Variants in MEOX1 observed in about 807,000 individuals in gnomAD.
MEOX1 encodes the protein homeobox protein MOX-1.
In MEOX1, 17 loss-of-function variants were observed where a neutral mutation model predicts 23.2. That is an observed-to-expected ratio of 0.73 (90% CI 0.50 to 1.10). The LOEUF (loss-of-function observed/expected upper bound fraction) is 1.10, where lower values mean the gene tolerates loss of function less well. MEOX1 is among the 50% of genes least tolerant of loss of function. The probability of loss-of-function intolerance (pLI) is 0.00; values close to 1 mark genes in which losing one functional copy is unlikely to be tolerated. For synonymous variants in MEOX1, 134 were observed against 135.1 expected (o/e 0.99, Z 0.06); for missense variants, 333 against 332.2 (o/e 1.00, Z -0.02).
At chr17:43,650,272 C>T (rs776128860) in intron 1 of MEOX1, among the ~76,000 whole-genome samples, 7 of 152,094 alleles carry the variant, frequency 4.6e-5, no homozygotes, top group Non-Finnish European at 8.8e-5. Flanking sequence ...TATAGGTGAG[C>T]TTAGAGAAGG....
rs7215711 is a variant in MEOX1, at chr17:43,651,700, C to G, written c.470-8040G>C. Reference sequence around the variant, plus strand: ...TGCAGGGGCTGTGAGTCCTGTCTCTCAGGCAGAAAGGATTCTCTGCCTCTG... The same window carrying G: ...TGCAGGGGCTGTGAGTCCTGTCTCTGAGGCAGAAAGGATTCTCTGCCTCTG... On this transcript the variant is annotated intron_variant, in intron 1 of 2. Coordinates refer to ENST00000318579, the MANE Select transcript of MEOX1 (RefSeq NM_004527.4). Among the ~76,000 whole-genome samples, 983 of 152,318 alleles carry G rather than the reference C, an allele frequency of 6.5e-3. 6 individuals are homozygous for G. The highest frequency in any genetic ancestry group is 0.023 in the African/African-American group (944 of 41,574).
chr17:43,648,954 C>T (rs562795567), intron 1 of MEOX1, among the ~76,000 whole-genome samples: 1 of 152,284 alleles, frequency 6.6e-6, no homozygotes, highest in South Asian at 2.1e-4. Context: ...GGCCTTAGCA[C>T]TCATAGGTGA....
chr17:43,653,707 A>C (rs1212875967), intron 1 of MEOX1, among the ~76,000 whole-genome samples: 2 of 151,010 alleles, frequency 1.3e-5, no homozygotes, highest in Non-Finnish European at 2.9e-5. Context: ...ATGGGATTTC[A>C]CCATTTTGGC....
In MEOX1 at chr17:43,641,974, G is replaced by A. The variant is rs1567740628; in HGVS notation, c.701C>T (p.Pro234Leu). The change falls in exon 3 of 3, where the codon CCC becomes CTC. Residue 234 changes from proline to leucine, a missense_variant. By Grantham distance (98) the Pro-to-Leu change is moderately conservative (BLOSUM62 -3). Transcript: ENST00000318579. ...AGGGTCCTGCCCATTGGGGGAGATGGGCTGACCTCCCTTCACACGCTTCCA... is the reference window on the plus strand; with the variant it reads ...AGGGTCCTGCCCATTGGGGGAGATGAGCTGACCTCCCTTCACACGCTTCCA... ...MKWKRVKGGQ[P>L]ISPNGQDPED... 1.2e-6 allele frequency: 2 copies of A among 1,613,984 alleles called. No individual in the cohort carries two copies. The highest frequency in any genetic ancestry group is 1.7e-5 in the Admixed American group (1 of 59,996).
At chr17:43,658,520 A>T (rs1442421312) in intron 1 of MEOX1, among the ~76,000 whole-genome samples, 1 of 152,012 alleles carries the variant, frequency 6.6e-6, no homozygotes, top group Non-Finnish European at 1.5e-5. Flanking sequence ...AAAAAAAAAA[A>T]AAGAATATTT....
At chr17:43,657,811 A>G (rs1310436305) in intron 1 of MEOX1, among the ~76,000 whole-genome samples, 1 of 152,220 alleles carries the variant, frequency 6.6e-6, no homozygotes, top group Non-Finnish European at 1.5e-5. Flanking sequence ...CCATCCCCAT[A>G]AATATAGAAA....
At chr17:43,655,031 G>A (rs1487571251) in intron 1 of MEOX1, among the ~76,000 whole-genome samples, 1 of 150,592 alleles carries the variant, frequency 6.6e-6, no homozygotes, top group African/African-American at 2.4e-5. Context: ...TAGCCTGGGT[G>A]ACAGAGTGAG....
At chr17:43,653,728 T>C (rs148319837) in intron 1 of MEOX1, among the ~76,000 whole-genome samples, 1 of 150,250 alleles carries the variant, frequency 6.7e-6, no homozygotes, top group African/African-American at 2.4e-5. Context: ...CAGGATGGTT[T>C]TGATTTCTTG....
At chr17:43,658,324 T>C (rs936310785) in intron 1 of MEOX1, among the ~76,000 whole-genome samples, 1 of 152,044 alleles carries the variant, frequency 6.6e-6, no homozygotes, top group African/African-American at 2.4e-5. Context: ...CTGACCAACA[T>C]GGTAAAACCC....
At position 43,661,122 on chromosome 17, in the gene MEOX1, C is replaced by A. The variant is rs1374697108; in HGVS notation, c.413G>T (p.Gly138Val). The A allele has an allele frequency of 1.3e-6, 2 of 1,515,064 alleles. No homozygotes were observed. Among genetic ancestry groups the A allele is most frequent in the South Asian group, 1.3e-5 (1 of 74,710 alleles). 93.9% of individuals were successfully genotyped at this position (1,515,064 alleles called of 1,614,324 possible). Residue 138 changes from glycine to valine, a missense_variant, in exon 1 of 3, where the codon GGG becomes GTG. Physicochemically the swap from Gly to Val is moderately radical, Grantham distance 109 (BLOSUM62 -3). Coordinates refer to ENST00000318579, the MANE Select transcript of MEOX1 (RefSeq NM_004527.4). ...CTTCTCTGTCTCATTGGCAGTGCTC[C>A]CAAGCACCCCGTAGTCATCGCCTGG... The part of the protein sequence containing the change: ...GGPGDDYGVL[G>V]STANETEKKS...
chr17:43,661,521 G>T lies in MEOX1; in HGVS notation c.14C>A (p.Ala5Asp). MDPA[A>D]SSCMRSLQPP... ...CTGGAGGCTCCTCATGCAGCTGCTG[G>T]CCGCGGGATCCATCTGCTGTCCGCT... The change falls in exon 1 of 3, where the codon GCC becomes GAC. Residue 5 changes from alanine (A) to aspartate (D), a missense_variant. Transcript: ENST00000318579. 3.2e-6 allele frequency: 5 copies of T among 1,567,690 alleles called. No homozygotes were observed. The highest frequency in any genetic ancestry group is 1.4e-5 in the African/African-American group (1 of 73,588).
chr17:43,654,642 G>A (rs1489202912), intron 1 of MEOX1, among the ~76,000 whole-genome samples: 1 of 152,224 alleles, frequency 6.6e-6, no homozygotes, highest in Admixed American at 6.5e-5. Flanking sequence ...CCAACATAGC[G>A]AGACCCCTGT....
chr17:43,657,430 G>T (rs538247011), intron 1 of MEOX1, among the ~76,000 whole-genome samples: 1 of 149,608 alleles, frequency 6.7e-6, no homozygotes, highest in Non-Finnish European at 1.5e-5. Context: ...CAGGTGATCC[G>T]CCTGGCTCAG....
chr17:43,650,938 A>G (rs1456417201), intron 1 of MEOX1, among the ~76,000 whole-genome samples: 1 of 152,104 alleles, frequency 6.6e-6, no homozygotes, highest in Non-Finnish European at 1.5e-5. Flanking sequence ...GTGCCTAAAG[A>G]GACATCGGCA....
chr17:43,660,664 C>T (rs1267300703), intron 1 of MEOX1, among the ~76,000 whole-genome samples: 6 of 152,182 alleles, frequency 3.9e-5, no homozygotes, highest in South Asian at 2.1e-4. Context: ...CCCTGGTAAG[C>T]GAGCCCTGTG....
chr17:43,645,316 A>G (rs2154588796), intron 1 of MEOX1, among the ~76,000 whole-genome samples: 1 of 151,622 alleles, frequency 6.6e-6, no homozygotes, highest in East Asian at 2.0e-4. Context: ...AGCTGGGACT[A>G]CAGGCGCCCG....
chr17:43,648,327 G>C (rs563704503), intron 1 of MEOX1, among the ~76,000 whole-genome samples: 3 of 152,210 alleles, frequency 2.0e-5, no homozygotes, highest in African/African-American at 7.2e-5. Context: ...AAATTAGCCA[G>C]GCGTGGTGGC....
intron 1 of MEOX1, 148 bp downstream of exon 1, chr17:43,660,918 A>G (rs1973125656): frequency 2.0e-6 from 1 of 499,930 alleles, no homozygotes; most frequent in Non-Finnish European, 3.5e-6. Flanking sequence ...TCTCAGTGGA[A>G]GAAACCCCAA....
chr17:43,649,742 G>A (rs1411873178), intron 1 of MEOX1, among the ~76,000 whole-genome samples: 1 of 152,214 alleles, frequency 6.6e-6, no homozygotes, highest in African/African-American at 2.4e-5. Context: ...AACTGCGGAG[G>A]GAGGATGCTG....
Sources: gnomAD v4.1 joint callset for allele counts (sites outside exome capture counted in the v4.1 genomes callset) on GRCh38, gnomAD v4.1.1 for gene constraint, MANE v1.5 for transcripts, NCBI Gene and HGNC (gene_info 2026-07-23, HGNC 2026-07-21) for gene names.